AGBL1: variants seen among roughly 807,000 people sequenced by gnomAD.
AGBL1 encodes the protein cytosolic carboxypeptidase 4.
Under a neutral mutation model 118.9 loss-of-function variants are expected in AGBL1, and 130 were observed. The ratio of observed to expected loss-of-function variants is 1.09; its 90% CI spans 0.95 to 1.26. The LOEUF is 1.26. AGBL1 is among the 50% of genes most tolerant of loss of function. The probability of loss-of-function intolerance (pLI) is 0.00; values close to 1 mark genes in which losing one functional copy is unlikely to be tolerated. For synonymous variants in AGBL1, 555 were observed against 478.9 expected (o/e 1.16, Z -2.08); for missense variants, 1,584 against 1,298.1 (o/e 1.22, Z -3.38).
chr15:86,949,170 A>C (rs921306925), intron 23 of AGBL1, among the ~76,000 whole-genome samples: 6 of 152,168 alleles, frequency 3.9e-5, no homozygotes, highest in African/African-American at 1.2e-4. Context: ...GAAAAAAATA[A>C]AAAAATAATG....
chr15:86,831,277 C>G (rs539369446), intron 22 of AGBL1, among the ~76,000 whole-genome samples: 6 of 152,280 alleles, frequency 3.9e-5, no homozygotes, highest in African/African-American at 1.4e-4. Context: ...CCTCCCAAAT[C>G]TCATATCCTC....
At chr15:87,005,058 C>T (rs973634819) in intron 24 of AGBL1, among the ~76,000 whole-genome samples, 4 of 152,196 alleles carry the variant, frequency 2.6e-5, no homozygotes, top group African/African-American at 7.2e-5. Flanking sequence ...CCAAGAGATC[C>T]ACTGTTAGTC....
intron 22 of AGBL1, among the ~76,000 whole-genome samples, chr15:86,710,749 G>T (rs2086542049): frequency 6.6e-6 from 1 of 152,136 alleles, no homozygotes; most frequent in Non-Finnish European, 1.5e-5. Flanking sequence ...CAAGGTTGAA[G>T]ATCTAGAAAG....
intron 24 of AGBL1, among the ~76,000 whole-genome samples, chr15:87,016,109 T>G (rs2141791923): frequency 6.6e-6 from 1 of 152,342 alleles, no homozygotes; most frequent in South Asian, 2.1e-4. Flanking sequence ...TAGTTTAATT[T>G]AATGCTTTCC....
chr15:86,189,350 CTA>C (rs1555445026), intron 5 of AGBL1, among the ~76,000 whole-genome samples: 1 of 152,170 alleles, frequency 6.6e-6, no homozygotes, highest in Non-Finnish European at 1.5e-5. Context: ...GGGATGAAAA[CTA>C]ATCCTACATA....
At chr15:86,365,902 G>T (rs931306791) in intron 17 of AGBL1, among the ~76,000 whole-genome samples, 2 of 133,822 alleles carry the variant, frequency 1.5e-5, no homozygotes, top group African/African-American at 4.9e-5. Flanking sequence ...TTTTATCCCT[G>T]TGATAATGGA....
intron 22 of AGBL1, among the ~76,000 whole-genome samples, chr15:86,683,116 C>A (rs1432032609): frequency 6.6e-6 from 1 of 152,058 alleles, no homozygotes; most frequent in Non-Finnish European, 1.5e-5. Flanking sequence ...ATTACGAGTT[C>A]AGCAACACAA....
At chr15:86,862,593 T>C (rs1042289402) in intron 22 of AGBL1, among the ~76,000 whole-genome samples, 4 of 152,082 alleles carry the variant, frequency 2.6e-5, no homozygotes, top group African/African-American at 9.7e-5. Context: ...TGATGACATA[T>C]GCCTGTAGTC....
chr15:86,802,124 G>T (rs185509972), intron 22 of AGBL1, among the ~76,000 whole-genome samples: 30 of 152,230 alleles, frequency 2.0e-4, no homozygotes, highest in African/African-American at 7.0e-4. Context: ...CTAAGTTTAT[G>T]AGTCTCACTG....
intron 1 of AGBL1, among the ~76,000 whole-genome samples, chr15:86,128,509 G>A (rs951164114): frequency 4.6e-5 from 7 of 152,168 alleles, no homozygotes; most frequent in East Asian, 1.9e-4. Flanking sequence ...CTAACTTACC[G>A]TATGAGCAAC....
Position 86,295,195 on chromosome 15 carries a change from C to T in AGBL1, c.2221-60C>T. On this transcript the variant is annotated intron_variant, in intron 16 of 22. Coordinates refer to ENST00000614907, the MANE Select transcript of AGBL1 (RefSeq NM_001386094.1). Reference sequence around the variant, plus strand: ...ACTATATGTAAGCCGTTGTTGTTTTCTATTATTGTTGTTATAAAAAATGTT... The same window carrying T: ...ACTATATGTAAGCCGTTGTTGTTTTTTATTATTGTTGTTATAAAAAATGTT... The T allele has an allele frequency of 1.9e-6, 3 of 1,560,362 alleles. No individual in the cohort carries two copies. The South Asian group carries it at 3.5e-5, about 18-fold the overall frequency.
intron 18 of AGBL1, among the ~76,000 whole-genome samples, chr15:86,453,529 C>T (rs994075792): frequency 2.0e-5 from 3 of 152,200 alleles, no homozygotes; most frequent in Non-Finnish European, 2.9e-5. Flanking sequence ...TTGATGGAGG[C>T]ATTTTCTTCC....
intron 1 of AGBL1, among the ~76,000 whole-genome samples, chr15:86,095,325 G>A (rs1030629544): frequency 6.6e-6 from 1 of 152,098 alleles, no homozygotes; most frequent in Admixed American, 6.6e-5. Flanking sequence ...TCCTTTCCCT[G>A]GAGGTTGGGA....
intron 1 of AGBL1, among the ~76,000 whole-genome samples, chr15:86,139,084 G>T (rs2076927132): frequency 6.6e-6 from 1 of 152,182 alleles, no homozygotes; most frequent in Admixed American, 6.5e-5. Flanking sequence ...GGATGGTGTG[G>T]ACTTGGAGTT....
chr15:87,025,803 A>G (rs866892405), intron 24 of AGBL1, among the ~76,000 whole-genome samples: 1 of 152,098 alleles, frequency 6.6e-6, no homozygotes, highest in Non-Finnish European at 1.5e-5. Flanking sequence ...CTGGTATAAG[A>G]ATAGGCACAT....
At position 86,411,383 on chromosome 15, in the gene AGBL1, T is replaced by C. The variant is rs149214721; in HGVS notation, c.2555+13837T>C. Among the ~76,000 whole-genome samples the C allele has an allele frequency of 3.3e-5, 5 of 152,216 alleles. No individual in the cohort carries two copies. The East Asian group carries it at 7.8e-4, about 24-fold the overall frequency. On this transcript the variant is annotated intron_variant, in intron 18 of 22. Coordinates refer to ENST00000614907, the MANE Select transcript of AGBL1 (RefSeq NM_001386094.1). ...CACCTCGAAGGCTGGCATTGGAAAATTGCCCGAGAGCCTTCTGCTCTCTGT... is the reference window on the plus strand; with the variant it reads ...CACCTCGAAGGCTGGCATTGGAAAACTGCCCGAGAGCCTTCTGCTCTCTGT...
At chr15:86,850,986 A>C (rs1307999055) in intron 22 of AGBL1, among the ~76,000 whole-genome samples, 1 of 152,176 alleles carries the variant, frequency 6.6e-6, no homozygotes, top group Non-Finnish European at 1.5e-5. Context: ...ATCAATAATA[A>C]TTTTCTGCCA....
At chr15:86,842,958 C>T (rs1307834611) in intron 22 of AGBL1, among the ~76,000 whole-genome samples, 2 of 152,108 alleles carry the variant, frequency 1.3e-5, no homozygotes, top group East Asian at 3.9e-4. Context: ...ATGCTTGCAA[C>T]TCCTCCAGCC....
rs139242456 is a variant in AGBL1 at position 86,613,236 on chromosome 15, G to A, written c.2994+58699G>A. The stretch of plus-strand genomic sequence containing the variant: ...AAGAAAACAAATTAAAGCAGGAATC[G>A]GAGCGAGAGGTTTGTTGGTTTTGGA... On this transcript the variant is annotated intron_variant, in intron 21 of 22. Transcript: ENST00000614907. The surrounding 1 kb of genome is among the most constrained non-coding windows in gnomAD (Gnocchi z 4.2). 2.6e-5 allele frequency among the ~76,000 whole-genome samples: 4 copies of A among 152,272 alleles called. No individual in the cohort carries two copies. The highest frequency in any genetic ancestry group is 3.9e-4 in the East Asian group (2 of 5,186).
Sources: gnomAD v4.1 joint callset for allele counts (sites outside exome capture counted in the v4.1 genomes callset) on GRCh38, gnomAD v4.1.1 for gene constraint, Gnocchi (gnomAD v3.1) non-coding constraint, MANE v1.5 for transcripts, NCBI Gene and HGNC (gene_info 2026-07-23, HGNC 2026-07-21) for gene names.